Variants in EBAG9 observed in about 807,000 individuals in gnomAD.
EBAG9 encodes the protein receptor-binding cancer antigen expressed on SiSo cells.
In EBAG9, 16 loss-of-function variants were observed where a neutral mutation model predicts 30.9. That is an observed-to-expected ratio of 0.52 (90% confidence interval 0.35 to 0.79). The LOEUF (loss-of-function observed/expected upper bound fraction) is 0.79. Among genes scored for constraint, EBAG9 ranks in the 30% least tolerant of loss-of-function variants. EBAG9 has a pLI of 0.01. For missense variants in EBAG9, 197 were observed against 242.1 expected (o/e 0.81, Z 1.24); for synonymous variants, 93 against 82.8 (o/e 1.12, Z -0.67).
intron 5 of EBAG9, among the ~76,000 whole-genome samples, chr8:109,557,325 G>A (rs980065828): frequency 3.3e-5 from 5 of 152,184 alleles, no homozygotes; most frequent in Admixed American, 6.5e-5. Flanking sequence ...CCATTAAAAT[G>A]AGAGATTAAC....
intron 5 of EBAG9, 62 bp from the exon 6 acceptor site, chr8:109,560,776 A>G: frequency 8.5e-7 from 1 of 1,170,880 alleles, no homozygotes; most frequent in South Asian, 1.3e-5. Flanking sequence ...TACTCTTTTT[A>G]ACGGCTATGT....
chr8:109,564,106 T>C (rs1462498876), intron 6 of EBAG9, among the ~76,000 whole-genome samples: 1 of 152,104 alleles, frequency 6.6e-6, no homozygotes, highest in East Asian at 1.9e-4. Context: ...TTTTACAAAA[T>C]GGAGATAATC....
chr8:109,541,475 A>G (rs1821275192), intron 1 of EBAG9, among the ~76,000 whole-genome samples: 1 of 152,104 alleles, frequency 6.6e-6, no homozygotes, highest in Admixed American at 6.5e-5. Context: ...TGAAAAACCT[A>G]CCTCTTTTGG....
chr8:109,561,574 C>G (rs1419786990), intron 6 of EBAG9, among the ~76,000 whole-genome samples: 1 of 151,952 alleles, frequency 6.6e-6, no homozygotes, highest in South Asian at 2.1e-4. Flanking sequence ...TAAGGGAGAG[C>G]TAGTGACTGA....
chr8:109,552,920 A>AC (rs537604879), intron 2 of EBAG9, among the ~76,000 whole-genome samples: 190 of 152,254 alleles, frequency 1.2e-3, no homozygotes, highest in Non-Finnish European at 1.1e-3. Flanking sequence ...ACACAGCAGG[A>AC]CCCCATCTCT....
At position 109,540,440 on chromosome 8, in the gene EBAG9, G is replaced by GT. The variant is rs1418140303; in HGVS notation, c.-32dup. On this transcript the variant is annotated 5_prime_UTR_variant, in exon 1 of 7. Transcript: ENST00000337573. ...GCTTGTATAACCTGAAAACGCTCCT[G>GT]TTTTTCTCATCTGTGCAGTGGGTAT... 6.6e-6 allele frequency: 1 copy of GT among 152,184 alleles called. No individual in the cohort carries two copies. The highest frequency in any genetic ancestry group is 1.5e-5 in the Non-Finnish European group (1 of 68,048). The allele number at this position is 152,184 out of a possible 1,614,324, so 9.4% of individuals were successfully genotyped here.
intron 4 of EBAG9, 74 bp from the exon 5 acceptor site, chr8:109,556,861 A>T: frequency 1.5e-6 from 1 of 674,366 alleles, no homozygotes; most frequent in Non-Finnish European, 2.3e-6. Flanking sequence ...GTAATTAGAA[A>T]ATGTTTTGGT....
intron 1 of EBAG9, among the ~76,000 whole-genome samples, chr8:109,547,907 A>G (rs115686158): frequency 3.3e-5 from 5 of 152,304 alleles, no homozygotes; most frequent in African/African-American, 1.2e-4. Flanking sequence ...TATTAGACAT[A>G]TGCTTTGCAA....
At chr8:109,548,980 A>C (rs1473363897) in intron 1 of EBAG9, among the ~76,000 whole-genome samples, 1 of 147,334 alleles carries the variant, frequency 6.8e-6, no homozygotes, top group East Asian at 2.0e-4. Context: ...TGTGTTGTTC[A>C]TGATCTTAGG....
At chr8:109,541,165 AC>A (rs1032154284) in intron 1 of EBAG9, among the ~76,000 whole-genome samples, 5 of 152,064 alleles carry the variant, frequency 3.3e-5, no homozygotes, top group Non-Finnish European at 7.4e-5. Flanking sequence ...ATTCTGATAT[AC>A]CTCAAATTTT....
rs1821698063 is a variant in EBAG9 at position 109,560,910 on chromosome 8, C to G, written c.502C>G (p.Gln168Glu). The change falls in exon 6 of 7, where the codon CAA (glutamine) becomes GAA (glutamate). Residue 168 changes from glutamine to glutamate, a missense_variant. Coordinates refer to ENST00000337573, the MANE Select transcript of EBAG9 (RefSeq NM_004215.5). ...GGAAGAAGAAGAAGATGCAGCCTGG[C>G]AAGCAGAAGAAGTTCTGAGGTATTT... ...AWEEEEDAAW[Q>E]AEEVLRQQKL... 2 of 1,612,564 alleles carry G rather than the reference C, an allele frequency of 1.2e-6. No individual in the cohort carries two copies. Among genetic ancestry groups the G allele is most frequent in the Non-Finnish European group, 1.7e-6 (2 of 1,179,164 alleles).
intron 1 of EBAG9, among the ~76,000 whole-genome samples, chr8:109,549,481 T>C (rs1473270556): frequency 6.6e-6 from 1 of 152,032 alleles, no homozygotes; most frequent in African/African-American, 2.4e-5. Flanking sequence ...CTAAGTGTTT[T>C]GTAGAATTTA....
At chr8:109,562,483 C>T (rs1821730654) in intron 6 of EBAG9, among the ~76,000 whole-genome samples, 2 of 151,938 alleles carry the variant, frequency 1.3e-5, no homozygotes, top group Admixed American at 1.3e-4. Context: ...CCTGAATAGA[C>T]ATTGAGCATT....
At chr8:109,547,632 G>T (rs1479684583) in intron 1 of EBAG9, among the ~76,000 whole-genome samples, 1 of 151,598 alleles carries the variant, frequency 6.6e-6, no homozygotes, top group Non-Finnish European at 1.5e-5. Flanking sequence ...AGGTGCCCGC[G>T]ACCATGCCCG....
At chr8:109,548,329 C>G (rs1390320641) in intron 1 of EBAG9, among the ~76,000 whole-genome samples, 1 of 151,934 alleles carries the variant, frequency 6.6e-6, no homozygotes, top group African/African-American at 2.4e-5. Context: ...TATTCCTTTA[C>G]TTTCCATTGA....
rs191174376 is a variant in EBAG9, at chr8:109,545,302, A to G, written c.-16+4841A>G. Among the ~76,000 whole-genome samples, 552 of 143,180 alleles carry G rather than the reference A, an allele frequency of 3.9e-3. 6 individuals carry two copies. The highest frequency in any genetic ancestry group is 0.024 in the South Asian group (102 of 4,212). 93.9% of individuals were successfully genotyped at this position (143,180 alleles called of 152,430 possible). ...GCACCATGGCACTCCAGCCTGGGCA[A>G]CAGAGCGAGACTGTGTCTCAAAAAA... is the stretch of plus-strand genomic sequence containing the variant. On this transcript the variant is annotated intron_variant, in intron 1 of 6. Coordinates refer to ENST00000337573, the MANE Select transcript of EBAG9 (RefSeq NM_004215.5).
At chr8:109,539,837 CG>C (rs1563650712), upstream of EBAG9, 1 of 152,140 alleles carries the variant, frequency 6.6e-6, no homozygotes, top group Non-Finnish European at 1.5e-5. Context: ...AGACAGGCAG[CG>C]CGCGTGAGCG....
Position 109,564,546 on chromosome 8 carries a change from T to C in EBAG9, c.629T>C (p.Val210Ala). 6.2e-7 allele frequency: 1 copy of C among 1,611,762 alleles called. No homozygotes were observed. The highest frequency in any genetic ancestry group is 8.5e-7 in the Non-Finnish European group (1 of 1,178,414). The change falls in exon 7 of 7, where the codon GTG becomes GCG. Residue 210 changes from valine to alanine, a missense_variant. Physicochemically the swap from Val to Ala is moderately conservative, Grantham distance 64 (BLOSUM62 0). Transcript: ENST00000337573. ...AAGAAGGAACAAAACAAAATTGGTG[T>C]GAAACTTTCATAACACATGTTCAAA... ...LMKKEQNKIGVKLS is the reference protein window; with the variant it reads ...LMKKEQNKIGAKLS
At chr8:109,541,390 G>A (rs928569927) in intron 1 of EBAG9, among the ~76,000 whole-genome samples, 4 of 152,126 alleles carry the variant, frequency 2.6e-5, no homozygotes, top group African/African-American at 4.8e-5. Context: ...AGAGCCTTGG[G>A]CTTTCGGGTC....
Sources: gnomAD v4.1 joint callset for allele counts (sites outside exome capture counted in the v4.1 genomes callset) on GRCh38, gnomAD v4.1.1 for gene constraint, MANE v1.5 for transcripts, NCBI Gene and HGNC (gene_info 2026-07-23, HGNC 2026-07-21) for gene names.